AQP9: variants seen among roughly 807,000 people sequenced by gnomAD.
AQP9 encodes aquaporin 9.
In AQP9, 19 loss-of-function variants were observed where a neutral mutation model predicts 23.8. The ratio of observed to expected loss-of-function variants is 0.80; its 90% CI spans 0.56 to 1.17. The LOEUF (loss-of-function observed/expected upper bound fraction) is 1.17, where lower values mean the gene tolerates loss of function less well. AQP9 is among the 50% of genes most tolerant of loss of function. AQP9 has a pLI of 0.00. For missense variants in AQP9, 413 were observed against 362.0 expected, an observed-to-expected ratio of 1.14 and a Z score of -1.14; for synonymous variants, 153 against 131.5, an observed-to-expected ratio of 1.16 and a Z score of -1.12.
chr15:58,183,979 G>C lies in AQP9; in HGVS notation c.732G>C (p.Trp244Cys). 6.2e-7 allele frequency: 1 copy of C among 1,613,996 alleles called. No individual in the cohort carries two copies. The highest frequency in any genetic ancestry group is 8.5e-7 in the Non-Finnish European group (1 of 1,179,952). The change falls in exon 6 of 6, where the codon TGG (tryptophan) becomes TGC (cysteine). Residue 244 changes from tryptophan to cysteine, a missense_variant. By Grantham distance (215) the Trp-to-Cys change is radical. Coordinates refer to ENST00000219919, the MANE Select transcript of AQP9 (RefSeq NM_020980.5). The stretch of plus-strand genomic sequence containing the variant: ...ATTTCAGAGCTGGAAACAACTTCTG[G>C]TGGATTCCTGTAGTGGGCCCTTTGG... ...FEVFRAGNNF[W>C]WIPVVGPLVG... is the part of the protein sequence containing the mutation.
chr15:58,166,894 T>C (rs1898520174), intron 2 of AQP9, 95 bp downstream of exon 2: 1 of 1,427,158 alleles, frequency 7.0e-7, no homozygotes, highest in Non-Finnish European at 9.3e-7. Flanking sequence ...TTTACTTATA[T>C]CTCAAAAATC....
intron 1 of AQP9, among the ~76,000 whole-genome samples, chr15:58,161,162 G>A (rs1367027930): frequency 6.6e-6 from 1 of 152,092 alleles, no homozygotes; most frequent in Non-Finnish European, 1.5e-5. Context: ...CTGATTGGAG[G>A]CTGCAGATGA....
chr15:58,174,197 G>A (rs564113326), intron 3 of AQP9, among the ~76,000 whole-genome samples: 1 of 151,960 alleles, frequency 6.6e-6, no homozygotes, highest in South Asian at 2.1e-4. Context: ...CTGATAAGAG[G>A]ATTGCTTCAG....
At chr15:58,142,704 C>T (rs778555089) in intron 1 of AQP9, among the ~76,000 whole-genome samples, 2 of 152,198 alleles carry the variant, frequency 1.3e-5, no homozygotes, top group Non-Finnish European at 2.9e-5. Flanking sequence ...GGAAAGTGGG[C>T]CTCAAGAGAC....
At chr15:58,144,307 G>C (rs117282118) in intron 1 of AQP9, among the ~76,000 whole-genome samples, 17 of 152,160 alleles carry the variant, frequency 1.1e-4, no homozygotes, top group Non-Finnish European at 2.4e-4. Context: ...TTTGGTGTAT[G>C]ATGTGGGATT....
chr15:58,160,899 G>A (rs1407013754), intron 1 of AQP9, among the ~76,000 whole-genome samples: 2 of 152,184 alleles, frequency 1.3e-5, no homozygotes, highest in Non-Finnish European at 2.9e-5. Context: ...CATAGCAGAT[G>A]TGCAGGGATG....
At chr15:58,179,601 C>A (rs1898838780) in intron 5 of AQP9, among the ~76,000 whole-genome samples, 1 of 152,006 alleles carries the variant, frequency 6.6e-6, no homozygotes, top group Admixed American at 6.6e-5. Flanking sequence ...ATAAAACTGT[C>A]CCACATAATA....
At chr15:58,180,590 T>C (rs1448607573) in intron 5 of AQP9, among the ~76,000 whole-genome samples, 1 of 152,176 alleles carries the variant, frequency 6.6e-6, no homozygotes, top group African/African-American at 2.4e-5. Flanking sequence ...AGTTGAAGGA[T>C]GCAAAGCAAC....
intron 2 of AQP9, among the ~76,000 whole-genome samples, chr15:58,171,246 C>T (rs1377258556): frequency 6.6e-6 from 1 of 152,110 alleles, no homozygotes; most frequent in African/African-American, 2.4e-5. Flanking sequence ...TGCCACCACG[C>T]CCAGCTAATT....
At position 58,181,440 on chromosome 15, in the gene AQP9, T is replaced by C. The variant is rs1183491533; in HGVS notation, c.713+2095T>C. Among the ~76,000 whole-genome samples the C allele has an allele frequency of 3.3e-5, 5 of 152,224 alleles. No homozygotes were observed. The East Asian group carries it at 9.6e-4, about 29-fold the overall frequency. On this transcript the variant is annotated intron_variant, in intron 5 of 5. Coordinates refer to ENST00000219919, the MANE Select transcript of AQP9 (RefSeq NM_020980.5). The stretch of plus-strand genomic sequence containing the variant: ...AATTAACTCCAGGAGTTTAGAGGTC[T>C]ACAGCTCCAAATTTAAGAATTATGG...
At chr15:58,159,503 A>T (rs1192512690) in intron 1 of AQP9, among the ~76,000 whole-genome samples, 1 of 152,172 alleles carries the variant, frequency 6.6e-6, no homozygotes, top group Non-Finnish European at 1.5e-5. Flanking sequence ...TTGTCTTTTC[A>T]TTCTGCTAGG....
intron 1 of AQP9, among the ~76,000 whole-genome samples, chr15:58,143,642 A>G (rs1258057718): frequency 6.6e-6 from 1 of 152,238 alleles, no homozygotes; most frequent in Non-Finnish European, 1.5e-5. Context: ...TTAAAAATTT[A>G]CATATATAGC....
chr15:58,148,853 G>A (rs1898096397), intron 1 of AQP9, among the ~76,000 whole-genome samples: 1 of 152,074 alleles, frequency 6.6e-6, no homozygotes, highest in African/African-American at 2.4e-5. Context: ...AGAGCACTGA[G>A]GCTGGCCATG....
intron 4 of AQP9, among the ~76,000 whole-genome samples, chr15:58,175,411 T>C (rs1348937350): frequency 6.6e-6 from 1 of 152,182 alleles, no homozygotes; most frequent in Non-Finnish European, 1.5e-5. Flanking sequence ...TCAAAGACTG[T>C]GAAGGGTGGT....
intron 3 of AQP9, among the ~76,000 whole-genome samples, chr15:58,173,999 G>A (rs374887217): frequency 2.0e-4 from 31 of 152,208 alleles, no homozygotes; most frequent in African/African-American, 6.5e-4. Context: ...GGGTCATGGA[G>A]GGCTGGGTGT....
rs1414810900 is a variant in AQP9 at position 58,185,754 on chromosome 15, C to T, written c.*1619C>T. 6.6e-6 allele frequency: 1 copy of T among 152,190 alleles called. No homozygotes were observed. Among genetic ancestry groups the T allele is most frequent in the Non-Finnish European group, 1.5e-5 (1 of 68,036 alleles). 9.4% of individuals were successfully genotyped at this position (152,190 alleles called of 1,614,324 possible). A position where few individuals can be genotyped will look rare whatever the true frequency, so the allele number is the denominator to read the frequency against. The stretch of plus-strand genomic sequence containing the variant: ...AGAATTCCCAAAGGCATTAGGTTTC[C>T]CAACTGCTTTGTGCTGATATCAGAA... On this transcript the variant is annotated 3_prime_UTR_variant, in exon 6 of 6. Transcript: ENST00000219919.
intron 2 of AQP9, among the ~76,000 whole-genome samples, chr15:58,172,714 G>A (rs902607672): frequency 2.6e-5 from 4 of 152,064 alleles, no homozygotes; most frequent in African/African-American, 7.3e-5. Context: ...AAAAGATATC[G>A]AAGTTAATAG....
intron 4 of AQP9, 48 bp from the exon 5 acceptor site, chr15:58,179,080 G>A: frequency 7.5e-7 from 1 of 1,340,990 alleles, no homozygotes; most frequent in Non-Finnish European, 1.1e-6. Flanking sequence ...AGACATGCAG[G>A]TGAGCAGAAT....
At chr15:58,150,189 A>T (rs1377012242) in intron 1 of AQP9, 2 of 152,584 alleles carry the variant, frequency 1.3e-5, no homozygotes, top group African/African-American at 2.4e-5. Context: ...TGCCATTCAG[A>T]CCCACTCCAC....
Sources: allele counts gnomAD v4.1 joint callset (sites outside exome capture counted in the v4.1 genomes callset), GRCh38; gene constraint gnomAD v4.1.1; transcripts MANE v1.5; gene names NCBI Gene and HGNC (gene_info 2026-07-23, HGNC 2026-07-21).